The following NBEAL2 variants were observed in gnomAD, a reference collection of about 807,000 sequenced individuals.
NBEAL2 encodes neurobeachin like 2.
A neutral mutation model predicts 299.8 loss-of-function variants in NBEAL2; 160 were observed. The ratio of observed to expected loss-of-function variants is 0.53; its 90% CI spans 0.47 to 0.61. NBEAL2 has a LOEUF of 0.61. Among genes scored for constraint, NBEAL2 ranks in the 20% least tolerant of loss-of-function variants. The pLI is 0.00. For missense variants in NBEAL2, 3,112 were observed against 3,649.0 expected, an observed-to-expected ratio of 0.85 and a Z score of 3.79; for synonymous variants, 1,493 against 1,542.3, an observed-to-expected ratio of 0.97 and a Z score of 0.75.
In NBEAL2 at chr3:46,989,532, G is replaced by A; in HGVS notation, c.495G>A (p.Glu165=). ...CCAGGGAAGTCATCAGCTCCAAGGA[G>A]AAGAGCAAATACAAGTTCCCTCCTG... ...QRSGEVISSK[E]KSKYKFPPAA... The change falls in exon 6 of 54, where the codon GAG becomes GAA. Residue 165 remains glutamate, a synonymous_variant. Transcript: ENST00000450053. This position sits in a 1 kb window ranked among gnomAD's most constrained non-coding sequence, Gnocchi z 5.5. 1 of 1,596,586 alleles carries A rather than the reference G, an allele frequency of 6.3e-7. No homozygotes were observed. The highest frequency in any genetic ancestry group is 8.5e-7 in the Non-Finnish European group (1 of 1,171,586).
In NBEAL2 at chr3:47,007,836, C is replaced by G. The variant is rs1195707463; in HGVS notation, c.7528C>G (p.Leu2510Val). ...CHLDVVTCLA[L>V]DTCGIYLISG... ...TGCAGATGTAGTAACCTGCCTTGCA[C>G]TGGACACCTGTGGCATCTACCTCAT... is the stretch of plus-strand genomic sequence containing the variant. The change falls in exon 49 of 54, where the codon CTG (leucine) becomes GTG (valine). Residue 2510 changes from leucine to valine, a missense_variant. Around this residue, in one of 3 missense-constraint regions of NBEAL2, gnomAD observed 348 missense variants for 381.4 expected, o/e 0.91. Transcript: ENST00000450053. The G allele has an allele frequency of 6.2e-7, 1 of 1,613,578 alleles. No individual in the cohort carries two copies.
In NBEAL2 at chr3:47,001,496, A is replaced by G. The variant is rs1339946762; in HGVS notation, c.4644+58A>G. On this transcript the variant is annotated intron_variant, in intron 29 of 53. Coordinates refer to ENST00000450053, the MANE Select transcript of NBEAL2 (RefSeq NM_015175.3). The surrounding 1 kb of genome is among the most constrained non-coding windows in gnomAD (Gnocchi z 6.1). Reference sequence around the variant, plus strand: ...AACACTCATGTTCATGCAAGCCTGCAGGGATCTGGTCTGGGAGGTGGATGG... The same window carrying G: ...AACACTCATGTTCATGCAAGCCTGCGGGGATCTGGTCTGGGAGGTGGATGG... The G allele has an allele frequency of 1.3e-6, 2 of 1,583,020 alleles. No homozygotes were observed. The highest frequency in any genetic ancestry group is 1.7e-6 in the Non-Finnish European group (2 of 1,165,992).
rs1234201117 is a variant in NBEAL2, at chr3:47,009,324, T to C, written c.*4T>C. The stretch of plus-strand genomic sequence containing the variant: ...CAACCCTACTGAGGCGCGCTGAACC[T>C]GGCCAGTCCGGCTGCTCGGGCCCCG... On this transcript the variant is annotated 3_prime_UTR_variant, in exon 54 of 54. Transcript: ENST00000450053. 2.5e-6 allele frequency: 4 copies of C among 1,583,686 alleles called. No individual in the cohort carries two copies. The highest frequency in any genetic ancestry group is 2.6e-6 in the Non-Finnish European group (3 of 1,165,444).
Position 46,998,889 on chromosome 3 carries a change from A to T in NBEAL2, c.3384+10A>T. On this transcript the variant is annotated intron_variant, in intron 23 of 53. Transcript: ENST00000450053. Reference sequence around the variant, plus strand: ...AGGCGATGACGGTCAGGTAGGCTGGAGGTTGGGGAGCGGGAGGCTTGGGTG... The same window carrying T: ...AGGCGATGACGGTCAGGTAGGCTGGTGGTTGGGGAGCGGGAGGCTTGGGTG... 6.3e-7 allele frequency: 1 copy of T among 1,594,464 alleles called. No homozygotes were observed.
chr3:47,003,942 C>T lies in NBEAL2; in HGVS notation c.5847C>T (p.Tyr1949=), dbSNP rs532558548. The part of the protein sequence containing the change: ...LEVTTQNVYF[Y]DGSTERVETE... The stretch of plus-strand genomic sequence containing the variant: ...TCACCACACAGAATGTATACTTCTA[C>T]GATGGCAGCACTGAGCGCGTGGAAA... The change falls in exon 36 of 54, where the codon TAC becomes TAT. Residue 1949 remains tyrosine, a synonymous_variant. Transcript: ENST00000450053. The surrounding 1 kb of genome is among the most constrained non-coding windows in gnomAD (Gnocchi z 7.0). 1.7e-5 allele frequency: 28 copies of T among 1,613,622 alleles called. No individual in the cohort carries two copies. The highest frequency in any genetic ancestry group is 3.3e-5 in the Admixed American group (2 of 59,988).
chr3:46,983,311 C>CT (rs35275864), intron 1 of NBEAL2, among the ~76,000 whole-genome samples: 122,889 of 131,226 alleles, frequency 0.94, 58,075 homozygotes, highest in Non-Finnish European at 0.99. Context: ...GGTCATATTC[C>CT]TTTTTTTTTT....
Position 46,992,492 on chromosome 3 carries a change from G to T in NBEAL2, c.1050G>T (p.Arg350=). ...IQNSKLYLQS[R]APPEGDSDLA... is the part of the protein sequence containing the mutation. ...CCCCACAGCTGTACCTGCAGTCCCG[G>T]GCGCCCCCCGAGGGGGACAGTGACC... is the stretch of plus-strand genomic sequence containing the variant. Residue 350 remains arginine, a synonymous_variant, in exon 10 of 54, where the codon CGG becomes CGT. Transcript: ENST00000450053. The T allele has an allele frequency of 6.2e-7, 1 of 1,606,318 alleles. No homozygotes were observed. Among genetic ancestry groups the T allele is most frequent in the South Asian group, 1.1e-5 (1 of 89,412 alleles).
intron 22 of NBEAL2, 60 bp downstream of exon 22, chr3:46,998,625 G>T (rs1002647839): frequency 6.4e-7 from 1 of 1,572,550 alleles, no homozygotes; most frequent in East Asian, 2.4e-5. Flanking sequence ...CCGGCCTTGG[G>T]GACTGGGCGG....
chr3:46,998,249 G>A (rs2036652190), intron 21 of NBEAL2, 23 bp downstream of exon 21: 1 of 1,603,808 alleles, frequency 6.2e-7, no homozygotes, highest in East Asian at 2.2e-5. Flanking sequence ...ACCTGAGCAA[G>A]GGGCCGGCCA....
rs2036507876 is a variant in NBEAL2, at chr3:46,996,453, G to T, written c.2334G>T (p.Glu778Asp). The T allele has an allele frequency of 4.4e-6, 7 of 1,606,328 alleles. No homozygotes were observed. The highest frequency in any genetic ancestry group is 5.9e-6 in the Non-Finnish European group (7 of 1,176,608). ...WGSGLVAPLQ[E>D]GSIDSTLAGT... ...CCGGGCTGGTGGCCCCCCTGCAGGA[G>T]GGCAGCATCGACTCTACCCTCGCAG... The change falls in exon 16 of 54, where the codon GAG becomes GAT. Residue 778 changes from glutamate (E) to aspartate (D), a missense_variant. Around this residue, in one of 3 missense-constraint regions of NBEAL2, gnomAD observed 2,243 missense variants for 2,538.1 expected, o/e 0.88. Transcript: ENST00000450053.
Position 47,003,185 on chromosome 3 carries a change from CT to C in NBEAL2, c.5597del (p.Leu1866ArgfsTer13). 1 of 1,608,878 alleles carries C rather than the reference CT, an allele frequency of 6.2e-7. No homozygotes were observed. Among genetic ancestry groups the C allele is most frequent in the African/African-American group, 1.3e-5 (1 of 74,910 alleles). ...ALRDNLGEVP[L>X]TPTEEASLPL... ...TTGGCCCCTTGCAGGTGAGGTTCCCCTGACACCCACCGAGGAGGCCTCACTG... is the reference window on the plus strand; with the variant it reads ...TTGGCCCCTTGCAGGTGAGGTTCCCCGACACCCACCGAGGAGGCCTCACTG... On this transcript the variant is annotated frameshift_variant, in exon 35 of 54. Transcript: ENST00000450053. LOFTEE classifies it high-confidence loss of function. This position sits in a 1 kb window ranked among gnomAD's most constrained non-coding sequence, Gnocchi z 7.0.
rs371460227 is a variant in NBEAL2, at chr3:46,989,276, C to A, written c.368C>A (p.Pro123Gln). The A allele has an allele frequency of 6.2e-7, 1 of 1,611,046 alleles. No individual in the cohort carries two copies. The highest frequency in any genetic ancestry group is 8.5e-7 in the Non-Finnish European group (1 of 1,178,678). Residue 123 changes from proline to glutamine, a missense_variant, in exon 5 of 54, where the codon CCA (proline) becomes CAA (glutamine). Pro to Gln is a moderately conservative substitution (Grantham distance 76). Coordinates refer to ENST00000450053, the MANE Select transcript of NBEAL2 (RefSeq NM_015175.3). This position sits in a 1 kb window ranked among gnomAD's most constrained non-coding sequence, Gnocchi z 5.5. Reference protein sequence around the residue: ...KLVAELKGCPPPQGRGTQLEN... With the variant: ...KLVAELKGCPQPQGRGTQLEN... ...CACCTACAGCTGAAAGGATGCCCAC[C>A]ACCCCAGGGCCGAGGCACGCAGTTG...
chr3:46,999,659 G>A lies in NBEAL2; in HGVS notation c.3733G>A (p.Val1245Met), dbSNP rs756733165. 5 of 1,613,230 alleles carry A rather than the reference G, an allele frequency of 3.1e-6. No homozygotes were observed. The highest frequency in any genetic ancestry group is 3.4e-6 in the Non-Finnish European group (4 of 1,179,556). The change falls in exon 26 of 54, where the codon GTG (valine) becomes ATG (methionine). Residue 1245 changes from valine (V) to methionine (M), a missense_variant. Physicochemically the swap from Val to Met is conservative, Grantham distance 21 (BLOSUM62 1). Around this residue, in one of 3 missense-constraint regions of NBEAL2, gnomAD observed 2,243 missense variants for 2,538.1 expected, o/e 0.88. Transcript: ENST00000450053. ...CCTGAACCTCTCAGATCTGCTGGCT[G>A]TGGTACAGCTGTCCCTCCAGGCTGA... ...DCLNLSDLLA[V>M]VQLSLQADLS... is the part of the protein sequence containing the mutation.
Position 47,003,939 on chromosome 3 carries a change from C to T in NBEAL2, c.5844C>T (p.Phe1948=). ...LLEVTTQNVY[F]YDGSTERVET... ...AGGTCACCACACAGAATGTATACTT[C>T]TACGATGGCAGCACTGAGCGCGTGG... The change falls in exon 36 of 54, where the codon TTC becomes TTT. Residue 1948 remains phenylalanine, a synonymous_variant. Coordinates refer to ENST00000450053, the MANE Select transcript of NBEAL2 (RefSeq NM_015175.3). This position sits in a 1 kb window ranked among gnomAD's most constrained non-coding sequence, Gnocchi z 7.0. The T allele has an allele frequency of 4.3e-6, 7 of 1,613,672 alleles. No individual in the cohort carries two copies. Among genetic ancestry groups the T allele is most frequent in the Non-Finnish European group, 5.9e-6 (7 of 1,179,740 alleles).
chr3:47,005,854 A>G lies in NBEAL2; in HGVS notation c.6801+7A>G, dbSNP rs2037395540. 1.2e-6 allele frequency: 2 copies of G among 1,613,056 alleles called. No individual in the cohort carries two copies. The highest frequency in any genetic ancestry group is 2.2e-5 in the South Asian group (2 of 91,078). On this transcript the variant is annotated splice_region_variant and intron_variant, in intron 42 of 53. Coordinates refer to ENST00000450053, the MANE Select transcript of NBEAL2 (RefSeq NM_015175.3). ...GCAGCACCGCCAGGCTCTGGTGAGG[A>G]AGGAACCACAGGCAAACGGCAGGCA...
In NBEAL2 at chr3:47,001,280, C is replaced by T. The variant is rs1374567830; in HGVS notation, c.4486C>T (p.Leu1496Phe). 1 of 1,604,522 alleles carries T rather than the reference C, an allele frequency of 6.2e-7. No individual in the cohort carries two copies. Among genetic ancestry groups the T allele is most frequent in the South Asian group, 1.1e-5 (1 of 90,922 alleles). Residue 1496 changes from leucine to phenylalanine, a missense_variant and splice_region_variant, in exon 29 of 54, where the codon CTC becomes TTC. This residue lies in a region of NBEAL2 where 2,243 missense variants were observed against 2,538.1 expected (regional missense o/e 0.88). Coordinates refer to ENST00000450053, the MANE Select transcript of NBEAL2 (RefSeq NM_015175.3). This position sits in a 1 kb window ranked among gnomAD's most constrained non-coding sequence, Gnocchi z 6.1. ...TTGAGTTCCCCACTCACCCGCCAGC[C>T]TCCTGGAGATGATGCTGGAGTCAGC... is the stretch of plus-strand genomic sequence containing the variant. ...VRPPDCIKRS[L>F]LEMMLESALT... is the part of the protein sequence containing the mutation.
At chr3:46,999,264 C>T (rs956434937) in intron 24 of NBEAL2, 51 bp from the exon 25 acceptor site, 26 of 1,568,322 alleles carry the variant, frequency 1.7e-5, no homozygotes, top group Non-Finnish European at 2.3e-5. Context: ...ACTTCCCCTC[C>T]TACAGTAACT....
chr3:47,001,223 G>A lies in NBEAL2; in HGVS notation c.4484+44G>A, dbSNP rs2305632. On this transcript the variant is annotated intron_variant, in intron 28 of 53. Transcript: ENST00000450053. This position sits in a 1 kb window ranked among gnomAD's most constrained non-coding sequence, Gnocchi z 6.1. ...AGGGGGAGGGGCTTCAGGAAGCCTC[G>A]GGGGAAGGAGAGAAGATAGTCAGGT... The A allele has an allele frequency of 0.029, 45,801 of 1,600,556 alleles. 2,159 individuals carry two copies. The highest frequency in any genetic ancestry group is 0.19 in the Admixed American group (11,187 of 59,140).
chr3:47,001,349 C>T lies in NBEAL2; in HGVS notation c.4555C>T (p.Leu1519Phe), dbSNP rs774616110. 3.1e-6 allele frequency: 5 copies of T among 1,613,324 alleles called. No homozygotes were observed. Among genetic ancestry groups the T allele is most frequent in the Non-Finnish European group, 4.2e-6 (5 of 1,179,846 alleles). Reference protein sequence around the residue: ...KEAPVGVLASLTQQALWLLRL... With the variant: ...KEAPVGVLASFTQQALWLLRL... ...GGCCCCCGTGGGGGTCCTGGCCAGCCTCACCCAGCAAGCGCTTTGGCTGCT... is the reference window on the plus strand; with the variant it reads ...GGCCCCCGTGGGGGTCCTGGCCAGCTTCACCCAGCAAGCGCTTTGGCTGCT... The change falls in exon 29 of 54, where the codon CTC becomes TTC. Residue 1519 changes from leucine to phenylalanine, a missense_variant. Physicochemically the swap from Leu to Phe is conservative, Grantham distance 22. Transcript: ENST00000450053. The surrounding 1 kb of genome is among the most constrained non-coding windows in gnomAD (Gnocchi z 6.1).
Sources: gnomAD v4.1 joint callset for allele counts (sites outside exome capture counted in the v4.1 genomes callset) on GRCh38, gnomAD v4.1.1 for gene constraint, gnomAD v4.1.1 regional missense constraint, Gnocchi (gnomAD v3.1) non-coding constraint, MANE v1.5 for transcripts, NCBI Gene and HGNC (gene_info 2026-07-23, HGNC 2026-07-21) for gene names.